CLNK: variants seen among roughly 807,000 people sequenced by gnomAD.
The protein encoded by CLNK is cytokine-dependent hematopoietic cell linker.
A neutral mutation model predicts 68.6 loss-of-function variants in CLNK; 74 were observed. That is an observed-to-expected ratio of 1.08 (90% confidence interval 0.89 to 1.31). The LOEUF (loss-of-function observed/expected upper bound fraction) is 1.31, where lower values mean the gene tolerates loss of function less well. Among genes scored for constraint, CLNK ranks in the 50% most tolerant of loss-of-function variants. The probability of loss-of-function intolerance (pLI) is 0.00; values close to 1 mark genes in which losing one functional copy is unlikely to be tolerated. For missense variants in CLNK, 553 were observed against 515.3 expected, an observed-to-expected ratio of 1.07 and a Z score of -0.71; for synonymous variants, 198 against 172.2, an observed-to-expected ratio of 1.15 and a Z score of -1.17.
intron 2 of CLNK, among the ~76,000 whole-genome samples, chr4:10,662,739 T>C (rs1342671120): frequency 6.6e-6 from 1 of 152,202 alleles, no homozygotes; most frequent in Non-Finnish European, 1.5e-5. Context: ...ATATTACACA[T>C]AGATATAGAA....
chr4:10,727,658 C>G, the CLNK span, among the ~76,000 whole-genome samples: 1 of 152,212 alleles, frequency 6.6e-6, no homozygotes, highest in Non-Finnish European at 1.5e-5. Context: ...GGTGAGGGGA[C>G]AGTCATCAGA....
intron 8 of CLNK, among the ~76,000 whole-genome samples, chr4:10,552,749 C>T (rs909876962): frequency 6.6e-6 from 1 of 152,158 alleles, no homozygotes; most frequent in Non-Finnish European, 1.5e-5. Flanking sequence ...ACATCTCCCA[C>T]GTGGTGTGGC....
the CLNK span, among the ~76,000 whole-genome samples, chr4:10,713,682 G>A: frequency 6.6e-6 from 1 of 152,244 alleles, no homozygotes; most frequent in Non-Finnish European, 1.5e-5. Context: ...TGGATGGGTT[G>A]GTGCCTTCCC....
intron 8 of CLNK, among the ~76,000 whole-genome samples, chr4:10,551,528 A>G (rs1453102069): frequency 5.3e-5 from 8 of 152,184 alleles, no homozygotes; most frequent in Admixed American, 1.3e-4. Flanking sequence ...CTCAGCCTCC[A>G]AAAGTGCTGG....
At chr4:10,558,221 G>A (rs1719751086) in intron 8 of CLNK, among the ~76,000 whole-genome samples, 186 bp downstream of exon 8, 1 of 152,094 alleles carries the variant, frequency 6.6e-6, no homozygotes, top group Non-Finnish European at 1.5e-5. Context: ...AATAAGGTAA[G>A]GCAATAAATA....
chr4:10,699,172 G>A, the CLNK span, among the ~76,000 whole-genome samples: 25 of 108,790 alleles, frequency 2.3e-4, no homozygotes, highest in East Asian at 8.5e-4. Flanking sequence ...AATTCCTTAC[G>A]TTTCTTTCTC....
intron 3 of CLNK, among the ~76,000 whole-genome samples, chr4:10,594,507 G>C (rs1180727999): frequency 1.3e-5 from 2 of 152,220 alleles, no homozygotes; most frequent in Admixed American, 6.5e-5. Context: ...TTCTGGTGCA[G>C]TTGGCCAGAA....
At chr4:10,587,389 G>A (rs904250651) in intron 3 of CLNK, among the ~76,000 whole-genome samples, 7 of 152,200 alleles carry the variant, frequency 4.6e-5, no homozygotes, top group East Asian at 1.9e-4. Context: ...GAAGGCTCCC[G>A]AGGATGCTAC....
chr4:10,669,022 C>G (rs559785786), intron 1 of CLNK, among the ~76,000 whole-genome samples: 11 of 152,174 alleles, frequency 7.2e-5, no homozygotes, highest in Admixed American at 2.0e-4. Context: ...AACACCCATC[C>G]CGCAATAAGA....
chr4:10,573,881 T>G (rs1214218023), intron 4 of CLNK, among the ~76,000 whole-genome samples: 1 of 152,120 alleles, frequency 6.6e-6, no homozygotes, highest in Non-Finnish European at 1.5e-5. Context: ...ACCTCCCCTT[T>G]GCTTCCCAAA....
intron 2 of CLNK, among the ~76,000 whole-genome samples, chr4:10,638,011 C>A (rs1723162105): frequency 6.6e-6 from 1 of 152,138 alleles, no homozygotes; most frequent in Non-Finnish European, 1.5e-5. Context: ...ACAGGGTCAT[C>A]TAGTTTAATT....
chr4:10,512,905 A>G (rs1188134569), intron 16 of CLNK, among the ~76,000 whole-genome samples: 1 of 152,092 alleles, frequency 6.6e-6, no homozygotes, highest in Non-Finnish European at 1.5e-5. Flanking sequence ...GTGAATGAGC[A>G]TATTTTAGAA....
At chr4:10,542,395 G>C in intron 8 of CLNK, 115 bp from the exon 9 acceptor site, 1 of 721,608 alleles carries the variant, frequency 1.4e-6, no homozygotes, top group Non-Finnish European at 2.3e-6. Context: ...GATAACGTCA[G>C]TTAATATTTG....
At chr4:10,625,868 G>A (rs1326803346) in intron 2 of CLNK, among the ~76,000 whole-genome samples, 1 of 152,230 alleles carries the variant, frequency 6.6e-6, no homozygotes, top group East Asian at 1.9e-4. Context: ...GCTCAAGGCT[G>A]AGGGTTCTCA....
chr4:10,571,628 A>G, intron 5 of CLNK, 113 bp downstream of exon 5: 1 of 848,854 alleles, frequency 1.2e-6, no homozygotes, highest in Admixed American at 2.1e-5. Flanking sequence ...GAACCACTGC[A>G]CGCAGCCTGT....
intron 2 of CLNK, among the ~76,000 whole-genome samples, chr4:10,611,842 T>C (rs1004750799): frequency 6.6e-6 from 1 of 152,166 alleles, no homozygotes; most frequent in African/African-American, 2.4e-5. Context: ...AGGATCCTCA[T>C]TGTAAAATCT....
At chr4:10,508,256 T>G (rs1717398096) in intron 16 of CLNK, among the ~76,000 whole-genome samples, 1 of 152,126 alleles carries the variant, frequency 6.6e-6, no homozygotes, top group Admixed American at 6.5e-5. Context: ...AATTCTGAAG[T>G]CTATGGGAAT....
At chr4:10,510,611 C>G (rs955022000) in intron 16 of CLNK, among the ~76,000 whole-genome samples, 3 of 152,142 alleles carry the variant, frequency 2.0e-5, no homozygotes, top group African/African-American at 7.2e-5. Context: ...CATAGCTCTT[C>G]GGCACTAACA....
chr4:10,513,284 T>C lies in CLNK; in HGVS notation c.906+180A>G, dbSNP rs187802372. 5.9e-5 allele frequency among the ~76,000 whole-genome samples: 9 copies of C among 152,342 alleles called. No homozygotes were observed. In the East Asian group the frequency reaches 1.7e-3, roughly 29 times the overall value. ...GGTGAGAGACCAATGTAATATGTTA[T>C]ATAGCAACATATTTAAAAATATTAA... On this transcript the variant is annotated intron_variant, in intron 16 of 18. Transcript: ENST00000226951.
Sources: allele counts gnomAD v4.1 joint callset (sites outside exome capture counted in the v4.1 genomes callset), GRCh38; gene constraint gnomAD v4.1.1; transcripts MANE v1.5; gene names NCBI Gene and HGNC (gene_info 2026-07-23, HGNC 2026-07-21).